The following PDHX variants were observed in gnomAD, a reference collection of about 807,000 sequenced individuals.
PDHX encodes the protein pyruvate dehydrogenase complex component X.
In PDHX, 33 loss-of-function variants were observed where a neutral mutation model predicts 55.3. The ratio of observed to expected loss-of-function variants is 0.60; its 90% CI spans 0.45 to 0.80. The LOEUF (loss-of-function observed/expected upper bound fraction) is 0.80, where lower values mean the gene tolerates loss of function less well. Ranked by LOEUF, PDHX falls within the 30% of genes least tolerant of loss-of-function variation. The pLI is 0.00. For synonymous variants in PDHX, 226 were observed against 219.4 expected (o/e 1.03, Z -0.27); for missense variants, 622 against 619.9 (o/e 1.00, Z -0.04).
chr11:34,990,047 A>G (rs1351787162), intron 9 of PDHX, among the ~76,000 whole-genome samples: 2 of 152,170 alleles, frequency 1.3e-5, no homozygotes, highest in Non-Finnish European at 2.9e-5. Flanking sequence ...ACCCTCTGTA[A>G]TCCCAAGGAT....
At chr11:34,930,617 T>A (rs1189749336) in intron 1 of PDHX, among the ~76,000 whole-genome samples, 1 of 152,174 alleles carries the variant, frequency 6.6e-6, no homozygotes, top group Non-Finnish European at 1.5e-5. Context: ...TAAATTGTAA[T>A]CTAAAAGCCA....
intron 9 of PDHX, among the ~76,000 whole-genome samples, chr11:34,990,495 T>A (rs182698051): frequency 3.3e-5 from 5 of 152,350 alleles, no homozygotes; most frequent in Admixed American, 1.3e-4. Context: ...GCGTGCAATC[T>A]ACTTATTAAA....
At chr11:34,918,303 C>A (rs2133934480) in intron 1 of PDHX, among the ~76,000 whole-genome samples, 1 of 151,764 alleles carries the variant, frequency 6.6e-6, no homozygotes, top group Non-Finnish European at 1.5e-5. Context: ...AGAAAAAAAG[C>A]CAGGCGTGCT....
At chr11:34,958,211 A>G (rs912878613) in intron 4 of PDHX, among the ~76,000 whole-genome samples, 6 of 152,188 alleles carry the variant, frequency 3.9e-5, no homozygotes, top group African/African-American at 1.4e-4. Flanking sequence ...CGAGAAAAAG[A>G]TCTTCATAAA....
chr11:34,978,577 G>A (rs756566092), intron 8 of PDHX, among the ~76,000 whole-genome samples: 1 of 152,122 alleles, frequency 6.6e-6, no homozygotes, highest in Admixed American at 6.6e-5. Flanking sequence ...AGGGAAGCGA[G>A]GGAAGCCCCT....
chr11:34,992,238 T>A (rs1246230878), intron 9 of PDHX, 77 bp from the exon 10 acceptor site: 12 of 802,840 alleles, frequency 1.5e-5, no homozygotes. Flanking sequence ...GAGTATATGA[T>A]GTACAAATAT....
At chr11:34,964,839 C>CTAT (rs1855095940) in intron 5 of PDHX, among the ~76,000 whole-genome samples, 4 of 144,242 alleles carry the variant, frequency 2.8e-5, no homozygotes, top group African/African-American at 9.9e-5. Context: ...CTAATATTAG[C>CTAT]TAGCTATTAG....
At chr11:34,939,531 A>G (rs1854422594) in intron 2 of PDHX, among the ~76,000 whole-genome samples, 1 of 151,840 alleles carries the variant, frequency 6.6e-6, no homozygotes. Context: ...AGCGTTTTAC[A>G]CCAAGGAGGT....
chr11:34,923,000 T>C (rs1853929541), intron 1 of PDHX, among the ~76,000 whole-genome samples: 2 of 152,080 alleles, frequency 1.3e-5, no homozygotes, highest in Admixed American at 1.3e-4. Flanking sequence ...TTTAATTTTA[T>C]AGTTTAATAC....
At chr11:34,974,690 C>A (rs896902625) in intron 7 of PDHX, among the ~76,000 whole-genome samples, 9 of 152,074 alleles carry the variant, frequency 5.9e-5, no homozygotes, top group Non-Finnish European at 5.9e-5. Flanking sequence ...CTTTGGGAGG[C>A]TGAGGACAGG....
chr11:34,954,437 T>A (rs1854857680), intron 3 of PDHX, among the ~76,000 whole-genome samples: 1 of 152,204 alleles, frequency 6.6e-6, no homozygotes, highest in African/African-American at 2.4e-5. Flanking sequence ...GATGTGAGAA[T>A]GTCTCTGGTA....
chr11:34,952,917 G>A (rs1854811585), intron 3 of PDHX, among the ~76,000 whole-genome samples: 2 of 151,564 alleles, frequency 1.3e-5, no homozygotes, highest in South Asian at 2.1e-4. Flanking sequence ...GTTTGCAGCC[G>A]ACATGATTGT....
chr11:34,953,745 C>G (rs191978516), intron 3 of PDHX, among the ~76,000 whole-genome samples: 269 of 152,288 alleles, frequency 1.8e-3, no homozygotes, highest in African/African-American at 5.9e-3. Flanking sequence ...AATCCTGCCT[C>G]TGCTACATAC....
chr11:34,944,238 A>G (rs1456284906), intron 2 of PDHX, among the ~76,000 whole-genome samples: 1 of 151,586 alleles, frequency 6.6e-6, no homozygotes, highest in Non-Finnish European at 1.5e-5. Context: ...TTCTGCCTCA[A>G]CCTCCCGAGT....
chr11:34,980,580 A>G (rs571304207), intron 8 of PDHX, among the ~76,000 whole-genome samples: 11 of 152,136 alleles, frequency 7.2e-5, no homozygotes, highest in South Asian at 2.1e-4. Flanking sequence ...AGTGTTGTCT[A>G]TGAAGAATTT....
intron 1 of PDHX, among the ~76,000 whole-genome samples, chr11:34,919,265 A>G (rs933885919): frequency 1.4e-5 from 2 of 144,396 alleles, no homozygotes; most frequent in African/African-American, 4.9e-5. Context: ...TCCTTGAACT[A>G]TTTGTTTTAC....
chr11:34,935,021 C>A (rs1854275891), intron 2 of PDHX, among the ~76,000 whole-genome samples: 1 of 151,590 alleles, frequency 6.6e-6, no homozygotes, highest in African/African-American at 2.4e-5. Flanking sequence ...TCAGAATAAC[C>A]CTGGTTGAGG....
chr11:34,975,183 C>T (rs1855340020), intron 7 of PDHX, among the ~76,000 whole-genome samples: 1 of 75,400 alleles, frequency 1.3e-5, no homozygotes, highest in South Asian at 4.0e-4. Context: ...TGGTTGCTTT[C>T]AAGATTTTTG....
intron 9 of PDHX, among the ~76,000 whole-genome samples, chr11:34,985,723 G>A (rs938668253): frequency 6.6e-6 from 1 of 152,194 alleles, no homozygotes; most frequent in African/African-American, 2.4e-5. Flanking sequence ...CCTGTTGTAT[G>A]TATAGTGGTA....
Sources: allele counts gnomAD v4.1 joint callset (sites outside exome capture counted in the v4.1 genomes callset), GRCh38; gene constraint gnomAD v4.1.1; transcripts MANE v1.5; gene names NCBI Gene and HGNC (gene_info 2026-07-23, HGNC 2026-07-21).